The following ZRANB3 variants were observed in gnomAD, a reference collection of about 807,000 sequenced individuals.
The protein encoded by ZRANB3 is zinc finger RANBP2-type containing 3, also known as DNA annealing helicase and endonuclease ZRANB3.
In ZRANB3, 125 loss-of-function variants were observed where a neutral mutation model predicts 133.8. The ratio of observed to expected loss-of-function variants is 0.93; its 90% CI spans 0.81 to 1.08. The LOEUF is 1.08. Ranked by LOEUF, ZRANB3 falls within the 50% of genes least tolerant of loss-of-function variation. ZRANB3 has a pLI of 0.00. For synonymous variants in ZRANB3, 387 were observed against 432.7 expected, an observed-to-expected ratio of 0.89 and a Z score of 1.31; for missense variants, 1,229 against 1,275.5, an observed-to-expected ratio of 0.96 and a Z score of 0.56.
Position 135,514,280 on chromosome 2 carries a change from A to G in ZRANB3, c.-7-9784T>C, listed in dbSNP as rs532263495. Reference sequence around the variant, plus strand: ...GATTCTTCCTATCCATGAGCATGGAATGTTTTTCCATTTGATTGTGCCCTC... The same window carrying G: ...GATTCTTCCTATCCATGAGCATGGAGTGTTTTTCCATTTGATTGTGCCCTC... On this transcript the variant is annotated intron_variant, in intron 1 of 20. Coordinates refer to ENST00000264159, the MANE Select transcript of ZRANB3 (RefSeq NM_032143.4). 2.7e-3 allele frequency among the ~76,000 whole-genome samples: 406 copies of G among 152,298 alleles called. 5 individuals are homozygous for G. The highest frequency in any genetic ancestry group is 9.4e-3 in the African/African-American group (392 of 41,572).
At chr2:135,453,721 A>G (rs1690374970) in intron 2 of ZRANB3, among the ~76,000 whole-genome samples, 1 of 152,190 alleles carries the variant, frequency 6.6e-6, no homozygotes, top group Admixed American at 6.5e-5. Flanking sequence ...TTGTTCATAT[A>G]ACTATCAGCA....
chr2:135,495,808 A>G, intron 2 of ZRANB3, among the ~76,000 whole-genome samples: 1 of 152,176 alleles, frequency 6.6e-6, no homozygotes, highest in East Asian at 1.9e-4. Flanking sequence ...GAGGTTTTTG[A>G]AAACACAGGG....
intron 6 of ZRANB3, among the ~76,000 whole-genome samples, chr2:135,338,568 G>A (rs1184797314): frequency 6.6e-6 from 1 of 152,198 alleles, no homozygotes. Context: ...GAAAATCAGT[G>A]CGTGTGTTTT....
intron 2 of ZRANB3, among the ~76,000 whole-genome samples, chr2:135,459,688 C>A (rs1255217419): frequency 6.6e-6 from 1 of 152,114 alleles, no homozygotes; most frequent in East Asian, 1.9e-4. Flanking sequence ...CTTAACATAT[C>A]TAGAAATTCT....
chr2:135,450,575 A>G (rs1690223898), intron 2 of ZRANB3, among the ~76,000 whole-genome samples: 2 of 152,188 alleles, frequency 1.3e-5, no homozygotes, highest in African/African-American at 4.8e-5. Context: ...CTATAGAAAG[A>G]GTTCTAGCCA....
chr2:135,481,223 T>A (rs1691788081), intron 2 of ZRANB3, among the ~76,000 whole-genome samples: 1 of 151,248 alleles, frequency 6.6e-6, no homozygotes, highest in Admixed American at 6.6e-5. Flanking sequence ...TAGTTTACAG[T>A]CCCACCAACA....
At chr2:135,294,011 A>G (rs1681900630) in intron 8 of ZRANB3, among the ~76,000 whole-genome samples, 2 of 152,168 alleles carry the variant, frequency 1.3e-5, no homozygotes, top group Admixed American at 1.3e-4. Flanking sequence ...TATTTTATTG[A>G]GGATTTTTGC....
chr2:135,471,181 G>A (rs1691252684), intron 2 of ZRANB3, among the ~76,000 whole-genome samples: 1 of 150,570 alleles, frequency 6.6e-6, no homozygotes, highest in African/African-American at 2.5e-5. Context: ...AATGAATATA[G>A]AGTTCCATTA....
intron 4 of ZRANB3, among the ~76,000 whole-genome samples, chr2:135,351,616 C>A: frequency 6.6e-6 from 1 of 152,184 alleles, no homozygotes; most frequent in East Asian, 1.9e-4. Context: ...TTTAATATTA[C>A]TAACTAACTT....
intron 3 of ZRANB3, among the ~76,000 whole-genome samples, chr2:135,389,227 T>C (rs960414910): frequency 1.3e-5 from 2 of 152,226 alleles, no homozygotes; most frequent in Admixed American, 6.5e-5. Flanking sequence ...TCACTGGCAA[T>C]GACTCTTTTT....
chr2:135,479,367 G>A (rs908304566), intron 2 of ZRANB3, among the ~76,000 whole-genome samples: 2 of 152,176 alleles, frequency 1.3e-5, no homozygotes, highest in Non-Finnish European at 2.9e-5. Flanking sequence ...AGGCACGGTG[G>A]CTCATGCCTG....
chr2:135,266,206 A>T (rs757115082), intron 11 of ZRANB3, among the ~76,000 whole-genome samples: 6 of 152,144 alleles, frequency 3.9e-5, no homozygotes, highest in Non-Finnish European at 7.4e-5. Flanking sequence ...CTCTGTCTCA[A>T]AAAAGCTGAC....
At chr2:135,395,085 A>G (rs1032326120) in intron 2 of ZRANB3, among the ~76,000 whole-genome samples, 2 of 152,190 alleles carry the variant, frequency 1.3e-5, no homozygotes, top group South Asian at 4.1e-4. Context: ...GAGGAATCAC[A>G]TTATCTGACT....
chr2:135,269,140 C>T lies in ZRANB3; in HGVS notation c.1208G>A (p.Gly403Glu). 1 of 1,588,512 alleles carries T rather than the reference C, an allele frequency of 6.3e-7. No individual in the cohort carries two copies. ...AILSIQAAGQ[G>E]LTFTAASHVV... The stretch of plus-strand genomic sequence containing the variant: ...ATGACTTGCTGCAGTAAATGTTAAT[C>T]CCTAAGTGAAATAAAGCAAATAAAT... The change falls in exon 11 of 21, where the codon GGA (glycine) becomes GAA (glutamate). Residue 403 changes from glycine (G) to glutamate (E), a missense_variant and splice_region_variant. Transcript: ENST00000264159.
At chr2:135,406,681 G>T (rs186289314) in intron 2 of ZRANB3, among the ~76,000 whole-genome samples, 1 of 152,034 alleles carries the variant, frequency 6.6e-6, no homozygotes, top group Non-Finnish European at 1.5e-5. Flanking sequence ...GAAAATCAAT[G>T]AATGTAATCC....
chr2:135,316,031 C>T (rs965561101), intron 6 of ZRANB3, among the ~76,000 whole-genome samples: 1 of 152,122 alleles, frequency 6.6e-6, no homozygotes, highest in Non-Finnish European at 1.5e-5. Context: ...GTCTCTTCTT[C>T]CTTTGAAATA....
At chr2:135,360,359 C>T (rs531463889) in intron 3 of ZRANB3, among the ~76,000 whole-genome samples, 6 of 149,906 alleles carry the variant, frequency 4.0e-5, no homozygotes, top group South Asian at 4.3e-4. Flanking sequence ...CCAGCCTGGG[C>T]GACAAGAGTG....
At chr2:135,478,967 T>G (rs1005501278) in intron 2 of ZRANB3, among the ~76,000 whole-genome samples, 12 of 152,014 alleles carry the variant, frequency 7.9e-5, no homozygotes, top group African/African-American at 2.4e-4. Context: ...TATACTGATA[T>G]ACCTACAGGA....
chr2:135,328,368 C>T (rs1683948806), intron 6 of ZRANB3, among the ~76,000 whole-genome samples: 1 of 151,986 alleles, frequency 6.6e-6, no homozygotes, highest in Non-Finnish European at 1.5e-5. Context: ...CAGTTTCATC[C>T]ACGTCGCTGC....
Sources: gnomAD v4.1 joint callset for allele counts (sites outside exome capture counted in the v4.1 genomes callset) on GRCh38, gnomAD v4.1.1 for gene constraint, MANE v1.5 for transcripts, NCBI Gene and HGNC (gene_info 2026-07-23, HGNC 2026-07-21) for gene names.